The following NCKAP1 variants were observed in gnomAD, a reference collection of about 807,000 sequenced individuals.
The protein encoded by NCKAP1 is nck-associated protein 1.
A neutral mutation model predicts 151.2 loss-of-function variants in NCKAP1; 21 were observed. That is an observed-to-expected ratio of 0.14 (90% CI 0.10 to 0.20). The LOEUF is 0.20. Ranked by LOEUF, NCKAP1 falls within the 10% of genes least tolerant of loss-of-function variation. The probability of loss-of-function intolerance (pLI) is 1.00; values close to 1 mark genes in which losing one functional copy is unlikely to be tolerated. For missense variants in NCKAP1, 933 were observed against 1,352.1 expected (o/e 0.69, Z 4.86); for synonymous variants, 484 against 451.8 (o/e 1.07, Z -0.90).
intron 10 of NCKAP1, among the ~76,000 whole-genome samples, chr2:182,984,008 G>T (rs1332468818): frequency 2.0e-5 from 3 of 150,938 alleles, no homozygotes; most frequent in Non-Finnish European, 2.9e-5. Flanking sequence ...TCCAGCCTGG[G>T]TGACAGAGCA....
chr2:182,995,905 T>C, intron 6 of NCKAP1, 67 bp from the exon 7 acceptor site: 1 of 1,335,482 alleles, frequency 7.5e-7, no homozygotes, highest in Non-Finnish European at 1.1e-6. Context: ...ATTGCAGCTA[T>C]AATTGCTGTG....
intron 24 of NCKAP1, 31 bp downstream of exon 24, chr2:182,942,039 A>T (rs1417224063): frequency 6.5e-7 from 1 of 1,540,360 alleles, no homozygotes; most frequent in Non-Finnish European, 8.9e-7. Flanking sequence ...AGATCTTCTT[A>T]TGTTTATAAA....
intron 20 of NCKAP1, among the ~76,000 whole-genome samples, chr2:182,953,580 G>A (rs1697262814): frequency 6.6e-6 from 1 of 152,112 alleles, no homozygotes; most frequent in Admixed American, 6.6e-5. Context: ...GCGGGCAGAT[G>A]ACTTGAAGTC....
At chr2:182,932,342 C>A (rs1257231652) in intron 26 of NCKAP1, among the ~76,000 whole-genome samples, 1 of 151,742 alleles carries the variant, frequency 6.6e-6, no homozygotes, top group African/African-American at 2.4e-5. Context: ...TGAAAATATG[C>A]CAAGTGAAAG....
chr2:183,021,384 A>G (rs1698795196), intron 2 of NCKAP1, among the ~76,000 whole-genome samples: 1 of 152,166 alleles, frequency 6.6e-6, no homozygotes, highest in South Asian at 2.1e-4. Flanking sequence ...AGGACTGCTC[A>G]AGCCCAGGAG....
intron 1 of NCKAP1, among the ~76,000 whole-genome samples, chr2:183,030,043 G>A (rs1488939967): frequency 6.6e-6 from 1 of 152,100 alleles, no homozygotes; most frequent in African/African-American, 2.4e-5. Flanking sequence ...GACCTACAGA[G>A]AAATTCATAC....
intron 13 of NCKAP1, among the ~76,000 whole-genome samples, chr2:182,980,726 C>A (rs35861477): frequency 1.1e-3 from 164 of 152,106 alleles, no homozygotes; most frequent in Non-Finnish European, 9.3e-4. Context: ...GATTTTTATT[C>A]TACTTTCCCT....
At chr2:182,959,434 T>C (rs1279679994) in intron 18 of NCKAP1, among the ~76,000 whole-genome samples, 1 of 152,142 alleles carries the variant, frequency 6.6e-6, no homozygotes, top group Admixed American at 6.6e-5. Flanking sequence ...TGGTTCAACA[T>C]ATGCAAATCA....
intron 10 of NCKAP1, among the ~76,000 whole-genome samples, chr2:182,983,985 C>G (rs1697995711): frequency 6.6e-6 from 1 of 150,884 alleles, no homozygotes; most frequent in African/African-American, 2.4e-5. Context: ...GAGCTGAGAT[C>G]ATGCCACTGC....
At chr2:183,015,056 C>T (rs1698657903) in intron 2 of NCKAP1, among the ~76,000 whole-genome samples, 1 of 152,152 alleles carries the variant, frequency 6.6e-6, no homozygotes, top group African/African-American at 2.4e-5. Flanking sequence ...TGCTATGGAA[C>T]CCCAGTGTAA....
At chr2:182,960,578 A>T (rs934874441) in intron 18 of NCKAP1, among the ~76,000 whole-genome samples, 1 of 152,226 alleles carries the variant, frequency 6.6e-6, no homozygotes, top group African/African-American at 2.4e-5. Flanking sequence ...TACAAAAGTT[A>T]ATTCAAGATG....
At chr2:183,010,320 T>C (rs1157305128) in intron 2 of NCKAP1, among the ~76,000 whole-genome samples, 1 of 152,210 alleles carries the variant, frequency 6.6e-6, no homozygotes, top group African/African-American at 2.4e-5. Flanking sequence ...TGACGTGCTG[T>C]ATGTGAGGAA....
chr2:182,910,335 A>C lies in NCKAP1; in HGVS notation c.*15367T>G, dbSNP rs1223902623. 6.6e-6 allele frequency: 1 copy of C among 152,254 alleles called. No individual in the cohort carries two copies. Among genetic ancestry groups the C allele is most frequent in the Non-Finnish European group, 1.5e-5 (1 of 68,068 alleles). 9.4% of individuals were successfully genotyped at this position (152,254 alleles called of 1,614,324 possible). The stretch of plus-strand genomic sequence containing the variant: ...TCTGCATCCAGGCAAATGTACTAAA[A>C]TTCTTTGAGAGATGAGAGGAAATAT... On this transcript the variant is annotated 3_prime_UTR_variant, in exon 31 of 31. Transcript: ENST00000361354.
chr2:182,979,929 A>G (rs1559091178), intron 13 of NCKAP1, among the ~76,000 whole-genome samples: 1 of 152,134 alleles, frequency 6.6e-6, no homozygotes, highest in Non-Finnish European at 1.5e-5. Context: ...TAAATCTGGC[A>G]ATTACTAATA....
intron 29 of NCKAP1, 80 bp from the exon 30 acceptor site, chr2:182,926,985 C>G (rs998380329): frequency 2.2e-6 from 2 of 914,970 alleles, no homozygotes; most frequent in Non-Finnish European, 3.4e-6. Context: ...GTTTCAACTT[C>G]CAACACATTT....
At chr2:182,953,728 G>A (rs1176369093) in intron 20 of NCKAP1, among the ~76,000 whole-genome samples, 1 of 152,046 alleles carries the variant, frequency 6.6e-6, no homozygotes, top group Non-Finnish European at 1.5e-5. Flanking sequence ...AACCCAGCAG[G>A]CAGAGGTTGC....
At chr2:182,927,734 C>T (rs1696677490) in intron 29 of NCKAP1, among the ~76,000 whole-genome samples, 1 of 151,890 alleles carries the variant, frequency 6.6e-6, no homozygotes, top group African/African-American at 2.4e-5. Context: ...TCTCTCTTGG[C>T]CTCAATTTTC....
rs78169031 is a variant in NCKAP1 at position 182,956,847 on chromosome 2, A to C, written c.2022-254T>G. On this transcript the variant is annotated intron_variant, in intron 19 of 30. Transcript: ENST00000361354. Reference sequence around the variant, plus strand: ...GACTTAATATACAAAGGTAGAGCTTATTCTGCACTCATAAAGATAATCACG... The same window carrying C: ...GACTTAATATACAAAGGTAGAGCTTCTTCTGCACTCATAAAGATAATCACG... 1,151 of 309,932 alleles carry C rather than the reference A, an allele frequency of 3.7e-3. 15 individuals are homozygous for C. The highest frequency in any genetic ancestry group is 0.023 in the African/African-American group (1,075 of 45,878). The allele number at this position is 309,932 out of a possible 1,614,324, so 19.2% of individuals were successfully genotyped here. A position where few individuals can be genotyped will look rare whatever the true frequency, so the allele number is the denominator to read the frequency against.
intron 15 of NCKAP1, among the ~76,000 whole-genome samples, chr2:182,968,770 A>G (rs1198152996): frequency 1.3e-5 from 2 of 152,184 alleles, no homozygotes; most frequent in African/African-American, 4.8e-5. Context: ...CTGACCCAGG[A>G]GCTCCATATC....
Sources: allele counts gnomAD v4.1 joint callset (sites outside exome capture counted in the v4.1 genomes callset), GRCh38; gene constraint gnomAD v4.1.1; transcripts MANE v1.5; gene names NCBI Gene and HGNC (gene_info 2026-07-23, HGNC 2026-07-21).